The following AOX1 variants were observed in gnomAD, a reference collection of about 807,000 sequenced individuals.
AOX1 encodes aldehyde oxidase 1, also known as aldehyde oxidase.
A neutral mutation model predicts 169.5 loss-of-function variants in AOX1; 153 were observed. The ratio of observed to expected loss-of-function variants is 0.90; its 90% CI spans 0.79 to 1.03. The LOEUF is 1.03. Among genes scored for constraint, AOX1 ranks in the 50% least tolerant of loss-of-function variants. The pLI, the probability that AOX1 is intolerant of heterozygous loss-of-function variation, is 0.00. For synonymous variants in AOX1, 562 were observed against 581.9 expected, an observed-to-expected ratio of 0.97 and a Z score of 0.49; for missense variants, 1,656 against 1,663.9, an observed-to-expected ratio of 1.00 and a Z score of 0.08.
At chr2:200,614,043 T>C in intron 15 of AOX1, 77 bp downstream of exon 15, 3 of 1,326,654 alleles carry the variant, frequency 2.3e-6, no homozygotes, top group Non-Finnish European at 3.1e-6. Context: ...AATGACTCCC[T>C]ACCAAATAGC....
rs1345389410 is a variant in AOX1 at position 200,634,660 on chromosome 2, T to G, written c.2222-131T>G. Reference sequence around the variant, plus strand: ...AAGTAGACTGAAAGCTAAACATTGTTGTTTGTTATACTTCACTGTGCCCAG... The same window carrying G: ...AAGTAGACTGAAAGCTAAACATTGTGGTTTGTTATACTTCACTGTGCCCAG... On this transcript the variant is annotated intron_variant, in intron 20 of 34. Transcript: ENST00000374700. 6.3e-6 allele frequency: 7 copies of G among 1,112,976 alleles called. No homozygotes were observed. In the African/African-American group the frequency reaches 1.1e-4, roughly 18 times the overall value. The allele number at this position is 1,112,976 out of a possible 1,614,324, so 68.9% of individuals were successfully genotyped here.
In AOX1 at chr2:200,669,811, T is replaced by C. The variant is rs914545679; in HGVS notation, c.3966+69T>C. 19 of 1,539,730 alleles carry C rather than the reference T, an allele frequency of 1.2e-5. No individual in the cohort carries two copies. In the Admixed American group the frequency reaches 3.5e-4, roughly 28 times the overall value. ...GAATTTTTGGCCTCTGTTCTTGTGG[T>C]AAGTTTTCGTGAACGCACTGCTGTG... On this transcript the variant is annotated intron_variant, in intron 34 of 34. Coordinates refer to ENST00000374700, the MANE Select transcript of AOX1 (RefSeq NM_001159.4).
Position 200,621,151 on chromosome 2 carries a change from C to T in AOX1, c.1906C>T (p.Pro636Ser). The change falls in exon 18 of 35, where the codon CCC becomes TCC. Residue 636 changes from proline (P) to serine (S), a missense_variant. By Grantham distance (74) the Pro-to-Ser change is moderately conservative (BLOSUM62 -1). Coordinates refer to ENST00000374700, the MANE Select transcript of AOX1 (RefSeq NM_001159.4). ...TGATCTGTCAGAAGCTCTCAGCATG[C>T]CCGGTGTGGTGGACATCATGACAGC... ...SIDLSEALSM[P>S]GVVDIMTAEH... The T allele has an allele frequency of 6.2e-7, 1 of 1,614,094 alleles. No homozygotes were observed. The highest frequency in any genetic ancestry group is 8.5e-7 in the Non-Finnish European group (1 of 1,179,980).
In AOX1 at chr2:200,599,619, G is replaced by A; in HGVS notation, c.310-1G>A. On this transcript the variant is annotated splice_acceptor_variant, in intron 4 of 34. Coordinates refer to ENST00000374700, the MANE Select transcript of AOX1 (RefSeq NM_001159.4). LOFTEE classifies it high-confidence loss of function. Reference sequence around the variant, plus strand: ...CATTTCTAACCTTTCTGTGCTTCCAGGAGAGGATTGCCAAGTGTCATGGCA... The same window carrying A: ...CATTTCTAACCTTTCTGTGCTTCCAAGAGAGGATTGCCAAGTGTCATGGCA... 2 of 1,608,452 alleles carry A rather than the reference G, an allele frequency of 1.2e-6. No individual in the cohort carries two copies. Among genetic ancestry groups the A allele is most frequent in the Non-Finnish European group, 1.7e-6 (2 of 1,177,590 alleles).
At chr2:200,674,815 A>G (rs2036074282), downstream of AOX1, among the ~76,000 whole-genome samples, 1 of 152,176 alleles carries the variant, frequency 6.6e-6, no homozygotes, top group Admixed American at 6.6e-5. Context: ...CAAATTGACT[A>G]CACTGAACCC....
chr2:200,670,098 T>C (rs940858306), intron 34 of AOX1, among the ~76,000 whole-genome samples: 4 of 152,064 alleles, frequency 2.6e-5, no homozygotes, highest in African/African-American at 9.7e-5. Flanking sequence ...AGTCCAGGAA[T>C]ATAGGCCCCT....
intron 10 of AOX1, among the ~76,000 whole-genome samples, chr2:200,608,331 G>A (rs947887455): frequency 1.3e-5 from 2 of 152,188 alleles, no homozygotes; most frequent in Admixed American, 6.5e-5. Flanking sequence ...GGTGCTAAGT[G>A]CTGGACAGAA....
Position 200,659,284 on chromosome 2 carries a change from G to T in AOX1, c.3291G>T (p.Leu1097Phe). ...CTGTGGTGGCAGATCTCAACGGTTT[G>T]GCAGTAAAGGTAACAGTCACTGCAG... ...GGSVVADLNG[L>F]AVKDACQTLL... Residue 1097 changes from leucine to phenylalanine, a missense_variant, in exon 28 of 35, where the codon TTG becomes TTT. Coordinates refer to ENST00000374700, the MANE Select transcript of AOX1 (RefSeq NM_001159.4). The T allele has an allele frequency of 3.1e-6, 5 of 1,613,056 alleles. No individual in the cohort carries two copies. The highest frequency in any genetic ancestry group is 4.2e-6 in the Non-Finnish European group (5 of 1,179,500).
chr2:200,609,517 A>G, intron 12 of AOX1, 103 bp downstream of exon 12: 1 of 896,554 alleles, frequency 1.1e-6, no homozygotes, highest in Non-Finnish European at 1.8e-6. Context: ...TTTCCCTATA[A>G]TATCAATACA....
intron 20 of AOX1, 30 bp downstream of exon 20, chr2:200,627,479 T>A (rs772057014): frequency 2.7e-6 from 4 of 1,486,388 alleles, no homozygotes; most frequent in Non-Finnish European, 3.8e-6. Flanking sequence ...TAAACAACCC[T>A]GGAAGTCTTC....
At chr2:200,664,507 T>A (rs890884143) in intron 31 of AOX1, among the ~76,000 whole-genome samples, 8 of 152,266 alleles carry the variant, frequency 5.3e-5, no homozygotes, top group South Asian at 2.1e-4. Flanking sequence ...TATATTCCTA[T>A]ATATGCATTG....
At chr2:200,639,895 G>C (rs181189876) in intron 23 of AOX1, among the ~76,000 whole-genome samples, 1 of 151,980 alleles carries the variant, frequency 6.6e-6, no homozygotes, top group Admixed American at 6.6e-5. Context: ...AAATTAGCCG[G>C]GCATGGTGGC....
chr2:200,605,575 T>C lies in AOX1; in HGVS notation c.854T>C (p.Ile285Thr). Residue 285 changes from isoleucine (I) to threonine (T), a missense_variant, in exon 10 of 35, where the codon ATA (isoleucine) becomes ACA (threonine). Transcript: ENST00000374700. ...TTTAAAGGCGTCTTTCACCCAGTTA[T>C]AATTTCTCCTGATAGAATTGAAGAA... Reference protein sequence around the residue: ...VKFKGVFHPVIISPDRIEELS... With the variant: ...VKFKGVFHPVTISPDRIEELS... 6.4e-7 allele frequency: 1 copy of C among 1,567,934 alleles called. No homozygotes were observed. Among genetic ancestry groups the C allele is most frequent in the Admixed American group, 1.8e-5 (1 of 55,088 alleles).
At position 200,602,339 on chromosome 2, in the gene AOX1, C is replaced by G. The variant is rs777819151; in HGVS notation, c.492C>G (p.Phe164Leu). The G allele has an allele frequency of 9.9e-6, 16 of 1,613,280 alleles. No individual in the cohort carries two copies. Among genetic ancestry groups the G allele is most frequent in the Non-Finnish European group, 1.4e-5 (16 of 1,179,650 alleles). Residue 164 changes from phenylalanine (F) to leucine (L), a missense_variant, in exon 6 of 35, where the codon TTC becomes TTG. By Grantham distance (22) the Phe-to-Leu change is conservative. Coordinates refer to ENST00000374700, the MANE Select transcript of AOX1 (RefSeq NM_001159.4). ...YRPIIDACKTFCKTSGCCQSK... is the reference protein window; with the variant it reads ...YRPIIDACKTLCKTSGCCQSK... ...CCATAATTGATGCATGCAAGACTTT[C>G]TGTAAAGTAAGTGGAAAGGACCACA...
rs758228431 is a variant in AOX1 at position 200,636,961 on chromosome 2, T to C, written c.2397T>C (p.His799=). Residue 799 remains histidine, a synonymous_variant, in exon 22 of 35, where the codon CAT becomes CAC. Coordinates refer to ENST00000374700, the MANE Select transcript of AOX1 (RefSeq NM_001159.4). ...TCCCAGCTAACAAGGTCATGTGCCA[T>C]GTAAGGCGTGTTGGTGGAGCGTTTG... is the stretch of plus-strand genomic sequence containing the variant. The part of the protein sequence containing the change: ...LKLPANKVMC[H]VRRVGGAFGG... 64 of 1,614,124 alleles carry C rather than the reference T, an allele frequency of 4.0e-5. No individual in the cohort carries two copies. Among genetic ancestry groups the C allele is most frequent in the Non-Finnish European group, 5.1e-5 (60 of 1,179,976 alleles).
chr2:200,613,731 G>A (rs1448800089), intron 14 of AOX1, 73 bp from the exon 15 acceptor site: 1 of 1,414,880 alleles, frequency 7.1e-7, no homozygotes. Flanking sequence ...ATGGCTATTT[G>A]TCTTACCCAT....
At chr2:200,620,974 C>A (rs983813069) in intron 17 of AOX1, 146 bp from the exon 18 acceptor site, 6 of 1,316,908 alleles carry the variant, frequency 4.6e-6, no homozygotes, top group Non-Finnish European at 6.2e-6. Context: ...GGATTTACTA[C>A]AACTTCGTTG....
intron 25 of AOX1, among the ~76,000 whole-genome samples, chr2:200,643,446 T>C (rs189904787): frequency 6.6e-6 from 1 of 152,144 alleles, no homozygotes; most frequent in Admixed American, 6.5e-5. Flanking sequence ...AGTTTCTTTA[T>C]CCACTCATTG....
chr2:200,622,624 G>A (rs2034909704), intron 18 of AOX1, among the ~76,000 whole-genome samples: 1 of 152,152 alleles, frequency 6.6e-6, no homozygotes, highest in East Asian at 1.9e-4. Flanking sequence ...TTGCATAAAT[G>A]TTTACTAAAC....
Sources: allele counts gnomAD v4.1 joint callset (sites outside exome capture counted in the v4.1 genomes callset), GRCh38; gene constraint gnomAD v4.1.1; transcripts MANE v1.5; gene names NCBI Gene and HGNC (gene_info 2026-07-23, HGNC 2026-07-21).